The following KLC4 variants were observed in gnomAD, a reference collection of about 807,000 sequenced individuals.
KLC4 encodes kinesin-like protein 8.
KLC4 carries 49 observed loss-of-function variants against 77.2 expected under a neutral mutation model. The observed-to-expected ratio is 0.63, with a 90% CI of 0.50 to 0.80. The LOEUF is 0.80. Ranked by LOEUF, KLC4 falls within the 30% of genes least tolerant of loss-of-function variation. The pLI, the probability that KLC4 is intolerant of heterozygous loss-of-function variation, is 0.00. For missense variants in KLC4, 669 were observed against 793.5 expected (o/e 0.84, Z 1.89); for synonymous variants, 274 against 314.5 (o/e 0.87, Z 1.36).
chr6:43,074,638 G>C lies in KLC4; in HGVS notation c.1826G>C (p.Ser609Thr). ...CTGTTTCAGGTCTCCCGGGGCCTCA[G>C]TGCCAGCACCATGGACCTCTCTTCA... ...AAPLQVSRGLSASTMDLSSSS is the reference protein window; with the variant it reads ...AAPLQVSRGLTASTMDLSSSS The change falls in exon 16 of 16, where the codon AGT becomes ACT. Residue 609 changes from serine to threonine, a missense_variant. Coordinates refer to ENST00000347162, the MANE Select transcript of KLC4 (RefSeq NM_201521.3). The C allele has an allele frequency of 6.2e-7, 1 of 1,614,160 alleles. No homozygotes were observed.
chr6:43,060,040 C>A, intron 1 of KLC4: 1 of 1,495,586 alleles, frequency 6.7e-7, no homozygotes, highest in African/African-American at 1.4e-5. Context: ...AGGCACTCCT[C>A]TACTGCGTTT....
chr6:43,071,973 C>A (rs1380986626), intron 11 of KLC4, 51 bp downstream of exon 11: 5 of 1,549,466 alleles, frequency 3.2e-6, no homozygotes, highest in Admixed American at 3.7e-5. Context: ...TCCATCCAGT[C>A]CCTGCTCCCA....
At position 43,074,703 on chromosome 6, in the gene KLC4, C is replaced by T. The variant is rs768380676; in HGVS notation, c.*31C>T. On this transcript the variant is annotated 3_prime_UTR_variant, in exon 16 of 16. Transcript: ENST00000347162. Reference sequence around the variant, plus strand: ...AACCCGGCCCCCAGGTCTGCTGGGTCCCCCCACCCCCACAGCCCTCACAGC... The same window carrying T: ...AACCCGGCCCCCAGGTCTGCTGGGTTCCCCCACCCCCACAGCCCTCACAGC... The T allele has an allele frequency of 2.5e-6, 4 of 1,579,192 alleles. No homozygotes were observed. The highest frequency in any genetic ancestry group is 2.2e-5 in the East Asian group (1 of 44,766).
At chr6:43,060,130 C>T (rs1765064830) in intron 1 of KLC4, 4 of 1,588,860 alleles carry the variant, frequency 2.5e-6, no homozygotes, top group Middle Eastern at 1.7e-4. Flanking sequence ...TTCTTTCCTG[C>T]ATCATCGGGC....
rs953995228 is a variant in KLC4, at chr6:43,070,423, C to T, written c.949C>T (p.Leu317=). ...GGGCAAGTACAAGGAGGCAGAGCCTCTGTGCCAGCGGGCACTGGAGATTCG... is the reference window on the plus strand; with the variant it reads ...GGGCAAGTACAAGGAGGCAGAGCCTTTGTGCCAGCGGGCACTGGAGATTCG... ...KRGKYKEAEP[L]CQRALEIREK... Residue 317 remains leucine (L), a synonymous_variant, in exon 7 of 16, where the codon CTG becomes TTG. Transcript: ENST00000347162. 2 of 1,614,162 alleles carry T rather than the reference C, an allele frequency of 1.2e-6. No homozygotes were observed. The highest frequency in any genetic ancestry group is 1.7e-6 in the Non-Finnish European group (2 of 1,179,952).
intron 10 of KLC4, 102 bp downstream of exon 10, chr6:43,071,721 A>G: frequency 6.9e-7 from 1 of 1,449,304 alleles, no homozygotes; most frequent in East Asian, 2.3e-5. Flanking sequence ...TCCCAGCACC[A>G]GCCCCAGATG....
intron 12 of KLC4, 75 bp from the exon 13 acceptor site, chr6:43,072,749 G>A: frequency 6.7e-7 from 1 of 1,486,224 alleles, no homozygotes; most frequent in Admixed American, 2.1e-5. Flanking sequence ...AGTGGCTGAT[G>A]GTGAAAAAAA....
chr6:43,060,406 A>C, intron 1 of KLC4: 1 of 800,576 alleles, frequency 1.2e-6, no homozygotes, highest in Non-Finnish European at 1.8e-6. Context: ...CTGTGGGCAG[A>C]GGGAGGGAGG....
intron 14 of KLC4, 80 bp from the exon 15 acceptor site, chr6:43,073,822 G>T (rs1765846145): frequency 4.1e-6 from 5 of 1,217,154 alleles, no homozygotes; most frequent in Non-Finnish European, 6.1e-6. Context: ...CCCCAGTGTG[G>T]CAGTGCTCAA....
chr6:43,060,409 G>A, intron 1 of KLC4: 1 of 1,425,882 alleles, frequency 7.0e-7, no homozygotes, highest in Non-Finnish European at 9.3e-7. Flanking sequence ...TGGGCAGAGG[G>A]AGGGAGGGAG....
chr6:43,066,279 CTTTG>C (rs759436456), intron 4 of KLC4, 23 bp from the exon 5 acceptor site: 46 of 1,593,440 alleles, frequency 2.9e-5, no homozygotes, highest in Middle Eastern at 3.3e-4. Flanking sequence ...AGGAAGAGTC[CTTTG>C]TTTATGTTCT....
In KLC4 at chr6:43,071,900, T is replaced by A; in HGVS notation, c.1357T>A (p.Tyr453Asn). The A allele has an allele frequency of 6.2e-7, 1 of 1,611,506 alleles. No individual in the cohort carries two copies. Among genetic ancestry groups the A allele is most frequent in the Non-Finnish European group, 8.5e-7 (1 of 1,179,496 alleles). Residue 453 changes from tyrosine (Y) to asparagine (N), a missense_variant, in exon 11 of 16, where the codon TAC (tyrosine) becomes AAC (asparagine). Tyr to Asn is a moderately radical substitution (Grantham distance 143). Coordinates refer to ENST00000347162, the MANE Select transcript of KLC4 (RefSeq NM_201521.3). ...ACCCTATGCTGAGTATGGAGGCTGG[T>A]ACAAGGCCTGCAAAGTGAGCAGGTG... Reference protein sequence around the residue: ...GTPYAEYGGWYKACKVSSPTV... With the variant: ...GTPYAEYGGWNKACKVSSPTV...
chr6:43,064,130 G>T (rs1334913796), intron 3 of KLC4, among the ~76,000 whole-genome samples: 1 of 152,190 alleles, frequency 6.6e-6, no homozygotes, highest in Non-Finnish European at 1.5e-5. Flanking sequence ...GAGCCACCAC[G>T]CCTGGCTGAG....
At position 43,063,065 on chromosome 6, in the gene KLC4, C is replaced by T. The variant is rs1328814330; in HGVS notation, c.407C>T (p.Ala136Val). 6 of 1,614,118 alleles carry T rather than the reference C, an allele frequency of 3.7e-6. No homozygotes were observed. Among genetic ancestry groups the T allele is most frequent in the Non-Finnish European group, 5.1e-6 (6 of 1,180,048 alleles). ...TQQRLQRSEQAVAQLEEEKKH... is the reference protein window; with the variant it reads ...TQQRLQRSEQVVAQLEEEKKH... ...CAGCGGCTACAGCGCAGTGAACAGGCTGTGGCTCAGCTGGAGGAGGAAAAG... is the reference window on the plus strand; with the variant it reads ...CAGCGGCTACAGCGCAGTGAACAGGTTGTGGCTCAGCTGGAGGAGGAAAAG... The change falls in exon 3 of 16, where the codon GCT (alanine) becomes GTT (valine). Residue 136 changes from alanine to valine, a missense_variant. Ala to Val is a moderately conservative substitution (Grantham distance 64). Coordinates refer to ENST00000347162, the MANE Select transcript of KLC4 (RefSeq NM_201521.3).
chr6:43,071,683 C>T, intron 10 of KLC4, 64 bp downstream of exon 10: 7 of 1,538,324 alleles, frequency 4.6e-6, no homozygotes, highest in Non-Finnish European at 6.3e-6. Flanking sequence ...TGTCTTACTC[C>T]TTGCATTAGC....
At chr6:43,060,138 G>A (rs1765065617) in intron 1 of KLC4, 2 of 1,597,448 alleles carry the variant, frequency 1.3e-6, no homozygotes, top group African/African-American at 1.3e-5. Flanking sequence ...TGCATCATCG[G>A]GCATTGTGGA....
intron 6 of KLC4, among the ~76,000 whole-genome samples, chr6:43,069,430 A>T (rs928624838): frequency 2.6e-5 from 4 of 152,092 alleles, no homozygotes; most frequent in Non-Finnish European, 5.9e-5. Context: ...TTTTTAGTAG[A>T]GATGGGTTTT....
chr6:43,063,079 G>A lies in KLC4; in HGVS notation c.421G>A (p.Glu141Lys). Residue 141 changes from glutamate (E) to lysine (K), a missense_variant, in exon 3 of 16, where the codon GAG (glutamate) becomes AAG (lysine). Glu to Lys is a moderately conservative substitution (Grantham distance 56, BLOSUM62 1). Coordinates refer to ENST00000347162, the MANE Select transcript of KLC4 (RefSeq NM_201521.3). ...QRSEQAVAQL[E>K]EEKKHLEFLG... ...CAGTGAACAGGCTGTGGCTCAGCTGGAGGAGGAAAAGAAGCACCTGGAGTT... is the reference window on the plus strand; with the variant it reads ...CAGTGAACAGGCTGTGGCTCAGCTGAAGGAGGAAAAGAAGCACCTGGAGTT... 1 of 1,614,228 alleles carries A rather than the reference G, an allele frequency of 6.2e-7. No individual in the cohort carries two copies. Among genetic ancestry groups the A allele is most frequent in the Non-Finnish European group, 8.5e-7 (1 of 1,180,042 alleles).
intron 1 of KLC4, 100 bp downstream of exon 1, chr6:43,059,785 T>C: frequency 8.5e-7 from 1 of 1,173,584 alleles, no homozygotes; most frequent in Non-Finnish European, 1.1e-6. Context: ...CAACCAACCT[T>C]ACAAAACTCC....
Sources: gnomAD v4.1 joint callset for allele counts (sites outside exome capture counted in the v4.1 genomes callset) on GRCh38, gnomAD v4.1.1 for gene constraint, MANE v1.5 for transcripts, NCBI Gene and HGNC (gene_info 2026-07-23, HGNC 2026-07-21) for gene names.